Variants in ANKS1B observed in about 807,000 individuals in gnomAD.
ANKS1B encodes ankyrin repeat and sterile alpha motif domain containing 1B.
Under a neutral mutation model 148.3 loss-of-function variants are expected in ANKS1B, and 36 were observed. The ratio of observed to expected loss-of-function variants is 0.24; its 90% CI spans 0.19 to 0.32. The LOEUF (loss-of-function observed/expected upper bound fraction) is 0.32. Ranked by LOEUF, ANKS1B falls within the 10% of genes least tolerant of loss-of-function variation. The pLI, the probability that ANKS1B is intolerant of heterozygous loss-of-function variation, is 1.00. For synonymous variants in ANKS1B, 542 were observed against 560.8 expected (o/e 0.97, Z 0.47); for missense variants, 1,157 against 1,542.6 (o/e 0.75, Z 4.19).
At chr12:98,823,640 C>T (rs764958242) in intron 19 of ANKS1B, among the ~76,000 whole-genome samples, 2 of 152,214 alleles carry the variant, frequency 1.3e-5, no homozygotes, top group African/African-American at 2.4e-5. Context: ...TACAGGCATC[C>T]GCCATCATGC....
At chr12:99,526,056 A>T (rs2096923524) in intron 9 of ANKS1B, among the ~76,000 whole-genome samples, 1 of 152,198 alleles carries the variant, frequency 6.6e-6, no homozygotes, top group African/African-American at 2.4e-5. Flanking sequence ...TCTTACATGA[A>T]AAGATGCTCA....
intron 1 of ANKS1B, among the ~76,000 whole-genome samples, chr12:99,978,772 T>C (rs2095657727): frequency 6.6e-6 from 1 of 152,192 alleles, no homozygotes; most frequent in Non-Finnish European, 1.5e-5. Context: ...CTGGTTTTTA[T>C]GTTTTTGGTG....
chr12:99,170,159 G>C (rs551302801), intron 14 of ANKS1B, among the ~76,000 whole-genome samples: 1 of 152,300 alleles, frequency 6.6e-6, no homozygotes, highest in South Asian at 2.1e-4. Context: ...GTCAGCAAAG[G>C]GCTCTGCTGT....
chr12:99,141,218 C>T (rs2070630254), intron 15 of ANKS1B, among the ~76,000 whole-genome samples: 1 of 152,102 alleles, frequency 6.6e-6, no homozygotes, highest in South Asian at 2.1e-4. Flanking sequence ...ACAAGTCACC[C>T]TTTAGCTATT....
chr12:99,327,649 C>T (rs2086742937), intron 12 of ANKS1B, among the ~76,000 whole-genome samples: 1 of 149,250 alleles, frequency 6.7e-6, no homozygotes, highest in Non-Finnish European at 1.5e-5. Context: ...ATATATGCCA[C>T]TCATTGGTCT....
intron 16 of ANKS1B, among the ~76,000 whole-genome samples, chr12:99,076,252 T>C (rs1464939006): frequency 1.3e-5 from 2 of 152,024 alleles, no homozygotes; most frequent in Admixed American, 1.3e-4. Context: ...CAGTTGCTCA[T>C]ATGAAGGTGA....
chr12:99,418,737 A>G lies in ANKS1B; in HGVS notation c.1576-18926T>C, dbSNP rs551447447. ...TTGCTTTGTTCCTAATCTTAGAAAG[A>G]AAGTCTTCATGTTTTTACCATTAAG... On this transcript the variant is annotated intron_variant, in intron 11 of 26. Coordinates refer to ENST00000683438, the MANE Select transcript of ANKS1B (RefSeq NM_001352186.2). Among the ~76,000 whole-genome samples, 7 of 152,318 alleles carry G rather than the reference A, an allele frequency of 4.6e-5. No individual in the cohort carries two copies. The South Asian group carries it at 1.0e-3, about 23-fold the overall frequency.
chr12:99,391,113 A>T (rs1481081989), intron 12 of ANKS1B, among the ~76,000 whole-genome samples: 1 of 152,204 alleles, frequency 6.6e-6, no homozygotes, highest in African/African-American at 2.4e-5. Context: ...GAGTTTGAAC[A>T]AAAAGCTAAT....
At chr12:99,571,915 AC>A (rs897045540) in intron 9 of ANKS1B, among the ~76,000 whole-genome samples, 1 of 152,088 alleles carries the variant, frequency 6.6e-6, no homozygotes, top group Admixed American at 6.5e-5. Flanking sequence ...TCTCTGGACT[AC>A]CCCCCAAATA....
chr12:99,336,070 G>A (rs1403850160), intron 12 of ANKS1B, among the ~76,000 whole-genome samples: 1 of 152,112 alleles, frequency 6.6e-6, no homozygotes, highest in East Asian at 1.9e-4. Context: ...TAATTGGGGT[G>A]AGATGATTTC....
intron 17 of ANKS1B, among the ~76,000 whole-genome samples, chr12:98,859,876 A>G (rs2152119295): frequency 6.6e-6 from 1 of 152,314 alleles, no homozygotes; most frequent in South Asian, 2.1e-4. Context: ...TGATGTCTTG[A>G]CTTGCGAAAA....
intron 4 of ANKS1B, among the ~76,000 whole-genome samples, chr12:99,793,733 G>A (rs1328279331): frequency 6.6e-6 from 1 of 151,960 alleles, no homozygotes; most frequent in Non-Finnish European, 1.5e-5. Context: ...AAAAAACTTT[G>A]AGAAAAATCT....
At chr12:99,686,407 G>A (rs1371395555) in intron 8 of ANKS1B, among the ~76,000 whole-genome samples, 1 of 152,082 alleles carries the variant, frequency 6.6e-6, no homozygotes, top group Non-Finnish European at 1.5e-5. Context: ...CCAATCAGAT[G>A]GTTTCTCGAC....
At chr12:99,338,620 G>C (rs1194607026) in intron 12 of ANKS1B, among the ~76,000 whole-genome samples, 1 of 152,158 alleles carries the variant, frequency 6.6e-6, no homozygotes. Flanking sequence ...GCTCTGCTCA[G>C]AATATGCTGG....
At chr12:98,834,875 T>G (rs182308717) in intron 17 of ANKS1B, among the ~76,000 whole-genome samples, 2 of 152,166 alleles carry the variant, frequency 1.3e-5, no homozygotes, top group Non-Finnish European at 2.9e-5. Flanking sequence ...TATGATAACC[T>G]TTTCAAAGGT....
At chr12:98,764,886 C>G (rs548430218) in intron 25 of ANKS1B, among the ~76,000 whole-genome samples, 1 of 152,316 alleles carries the variant, frequency 6.6e-6, no homozygotes, top group South Asian at 2.1e-4. Context: ...TAACTATTTG[C>G]TTGTGTCCCT....
chr12:99,746,589 T>C (rs527817223), intron 8 of ANKS1B, among the ~76,000 whole-genome samples: 70 of 152,152 alleles, frequency 4.6e-4, no homozygotes, highest in African/African-American at 1.5e-3. Flanking sequence ...TTAACAAAAG[T>C]ATATCAGTGC....
chr12:99,755,648 C>G (rs10860512), intron 8 of ANKS1B, among the ~76,000 whole-genome samples: 3 of 149,138 alleles, frequency 2.0e-5, no homozygotes, highest in Non-Finnish European at 3.0e-5. Flanking sequence ...ATGAAAAACC[C>G]TATCCACCAT....
At chr12:99,646,300 T>A (rs189455791) in intron 9 of ANKS1B, among the ~76,000 whole-genome samples, 1 of 152,176 alleles carries the variant, frequency 6.6e-6, no homozygotes, top group Non-Finnish European at 1.5e-5. Flanking sequence ...ACTCCAAGTA[T>A]CCAAAATAAT....
Sources: gnomAD v4.1 joint callset for allele counts (sites outside exome capture counted in the v4.1 genomes callset) on GRCh38, gnomAD v4.1.1 for gene constraint, MANE v1.5 for transcripts, NCBI Gene and HGNC (gene_info 2026-07-23, HGNC 2026-07-21) for gene names.